The following PPP1R21 variants were observed in gnomAD, a reference collection of about 807,000 sequenced individuals.
The protein encoded by PPP1R21 is protein phosphatase 1 regulatory subunit 21, also known as KLRAQ motif containing 1.
A neutral mutation model predicts 112.8 loss-of-function variants in PPP1R21; 85 were observed. That is an observed-to-expected ratio of 0.75 (90% CI 0.63 to 0.90). PPP1R21 has a LOEUF of 0.90. Ranked by LOEUF, PPP1R21 falls within the 40% of genes least tolerant of loss-of-function variation. The probability of loss-of-function intolerance (pLI) is 0.00; values close to 1 mark genes in which losing one functional copy is unlikely to be tolerated. For missense variants in PPP1R21, 1,199 were observed against 901.5 expected, an observed-to-expected ratio of 1.33 and a Z score of -4.23; for synonymous variants, 381 against 322.3, an observed-to-expected ratio of 1.18 and a Z score of -1.95.
At chr2:48,448,743 C>T (rs1490469233) in intron 1 of PPP1R21, among the ~76,000 whole-genome samples, 1 of 152,206 alleles carries the variant, frequency 6.6e-6, no homozygotes, top group African/African-American at 2.4e-5. Flanking sequence ...TAGAACACTA[C>T]ATCATGGAAG....
intron 12 of PPP1R21, among the ~76,000 whole-genome samples, chr2:48,479,262 G>A (rs913999558): frequency 3.3e-5 from 5 of 152,194 alleles, no homozygotes; most frequent in African/African-American, 1.2e-4. Context: ...TTTAGGAGTT[G>A]GGAGAGACGA....
chr2:48,473,106 AAATT>A (rs1407723135), intron 11 of PPP1R21, among the ~76,000 whole-genome samples: 4 of 151,182 alleles, frequency 2.6e-5, no homozygotes, highest in Admixed American at 6.6e-5. Flanking sequence ...ATTATTAAAA[AAATT>A]AATATATATT....
Position 48,474,721 on chromosome 2 carries a change from C to T in PPP1R21, c.1127C>T (p.Ala376Val), listed in dbSNP as rs1668673655. Residue 376 changes from alanine (A) to valine (V), a missense_variant, in exon 12 of 22, where the codon GCG (alanine) becomes GTG (valine). Coordinates refer to ENST00000294952, the MANE Select transcript of PPP1R21 (RefSeq NM_001135629.3). ...EECESSLCTSALRARNLELSQ... is the reference protein window; with the variant it reads ...EECESSLCTSVLRARNLELSQ... ...TGTGAATCCTCTCTTTGCACATCTG[C>T]GTTAAGAGCCAGGAATCTAGAGCTG... is the stretch of plus-strand genomic sequence containing the variant. 6 of 1,612,462 alleles carry T rather than the reference C, an allele frequency of 3.7e-6. No individual in the cohort carries two copies. The highest frequency in any genetic ancestry group is 1.7e-5 in the Admixed American group (1 of 59,826).
intron 17 of PPP1R21, among the ~76,000 whole-genome samples, chr2:48,503,100 C>G (rs1226547966): frequency 3.3e-5 from 5 of 152,096 alleles, no homozygotes; most frequent in Non-Finnish European, 5.9e-5. Context: ...AAAAAGATAG[C>G]AATAGCCTTA....
At position 48,460,092 on chromosome 2, in the gene PPP1R21, C is replaced by A; in HGVS notation, c.541-3C>A. Reference sequence around the variant, plus strand: ...CTGTGTTTCTTTTTCTTCTGAAATTCAGGTGAAATCTCAGACTCTAGAAAA... The same window carrying A: ...CTGTGTTTCTTTTTCTTCTGAAATTAAGGTGAAATCTCAGACTCTAGAAAA... On this transcript the variant is annotated splice_region_variant and splice_polypyrimidine_tract_variant and intron_variant, in intron 5 of 21. Coordinates refer to ENST00000294952, the MANE Select transcript of PPP1R21 (RefSeq NM_001135629.3). 6 of 1,613,992 alleles carry A rather than the reference C, an allele frequency of 3.7e-6. No individual in the cohort carries two copies. The highest frequency in any genetic ancestry group is 5.1e-6 in the Non-Finnish European group (6 of 1,179,962).
intron 18 of PPP1R21, among the ~76,000 whole-genome samples, chr2:48,506,832 G>A (rs1327973176): frequency 5.3e-5 from 8 of 151,852 alleles, no homozygotes; most frequent in Admixed American, 5.3e-4. Flanking sequence ...TGTGGTCCCA[G>A]CTACGCAGGA....
chr2:48,444,166 A>G (rs1002750528), intron 1 of PPP1R21, among the ~76,000 whole-genome samples: 36 of 152,236 alleles, frequency 2.4e-4, no homozygotes, highest in African/African-American at 8.4e-4. Flanking sequence ...CAGATTGCTA[A>G]AAGAAAGTGT....
chr2:48,441,881 A>G (rs1382773363), intron 1 of PPP1R21, among the ~76,000 whole-genome samples: 1 of 152,252 alleles, frequency 6.6e-6, no homozygotes, highest in Admixed American at 6.5e-5. Flanking sequence ...GTCAGTGGGA[A>G]GATGGTAATT....
At chr2:48,461,484 G>T (rs1314197936) in intron 7 of PPP1R21, among the ~76,000 whole-genome samples, 1 of 152,042 alleles carries the variant, frequency 6.6e-6, no homozygotes, top group Non-Finnish European at 1.5e-5. Context: ...CATGTATTTA[G>T]CATTTTCCAA....
intron 4 of PPP1R21, among the ~76,000 whole-genome samples, chr2:48,458,579 CT>C (rs80280182): frequency 0.045 from 6,217 of 137,312 alleles, 147 homozygotes; most frequent in Middle Eastern, 0.078. Context: ...CTCCCCCTCC[CT>C]TTTTTTTTTT....
chr2:48,486,563 A>G (rs1290654419), intron 13 of PPP1R21, 68 bp from the exon 14 acceptor site: 2 of 1,202,986 alleles, frequency 1.7e-6, no homozygotes. Flanking sequence ...GGAGAAGTGA[A>G]TGGGCTGGTT....
chr2:48,503,371 C>A (rs1394004376), intron 17 of PPP1R21, among the ~76,000 whole-genome samples: 3 of 152,162 alleles, frequency 2.0e-5, no homozygotes, highest in Non-Finnish European at 4.4e-5. Flanking sequence ...TTACTGATTT[C>A]ATAGTATTCC....
intron 12 of PPP1R21, 24 bp downstream of exon 12, chr2:48,474,843 G>A: frequency 6.2e-7 from 1 of 1,605,650 alleles, no homozygotes; most frequent in South Asian, 1.1e-5. Flanking sequence ...TTGCTTAGGG[G>A]TCAACTTCAA....
chr2:48,473,757 T>C (rs1275844336), intron 11 of PPP1R21, among the ~76,000 whole-genome samples: 2 of 152,202 alleles, frequency 1.3e-5, no homozygotes, highest in African/African-American at 4.8e-5. Context: ...AACCTTTTTT[T>C]TTTGCTTGAT....
At chr2:48,501,972 A>G (rs1670137069) in intron 17 of PPP1R21, 1 of 152,196 alleles carries the variant, frequency 6.6e-6, no homozygotes, top group Non-Finnish European at 1.5e-5. Context: ...AGCAGGGACC[A>G]TGCTAATTTC....
chr2:48,483,403 G>A (rs1371280189), intron 13 of PPP1R21, among the ~76,000 whole-genome samples: 6 of 151,824 alleles, frequency 4.0e-5, no homozygotes, highest in African/African-American at 9.7e-5. Flanking sequence ...GGCTGGTCTC[G>A]AACTCCTGAC....
At chr2:48,512,886 A>G (rs1177972766) in intron 21 of PPP1R21, among the ~76,000 whole-genome samples, 1 of 152,140 alleles carries the variant, frequency 6.6e-6, no homozygotes, top group East Asian at 1.9e-4. Context: ...TTGTTATTCC[A>G]TATTCCAGCA....
intron 18 of PPP1R21, among the ~76,000 whole-genome samples, chr2:48,506,896 A>G (rs570944216): frequency 6.6e-6 from 1 of 151,802 alleles, no homozygotes; most frequent in African/African-American, 2.4e-5. Context: ...CAGTGAGCCA[A>G]GACTGCGCCA....
intron 17 of PPP1R21, 52 bp from the exon 18 acceptor site, chr2:48,505,512 T>C: frequency 3.8e-6 from 5 of 1,332,028 alleles, no homozygotes; most frequent in Non-Finnish European, 5.3e-6. Context: ...TGATCTATTG[T>C]GCTTGAAATG....
Sources: allele counts gnomAD v4.1 joint callset (sites outside exome capture counted in the v4.1 genomes callset), GRCh38; gene constraint gnomAD v4.1.1; transcripts MANE v1.5; gene names NCBI Gene and HGNC (gene_info 2026-07-23, HGNC 2026-07-21).